Variants in C2CD3 observed in about 807,000 individuals in gnomAD.
C2CD3 encodes the protein C2 domain-containing protein 3.
In C2CD3, 148 loss-of-function variants were observed where a neutral mutation model predicts 234.0. The observed-to-expected ratio is 0.63, with a 90% CI of 0.55 to 0.72. The LOEUF (loss-of-function observed/expected upper bound fraction) is 0.72, where lower values mean the gene tolerates loss of function less well. Ranked by LOEUF, C2CD3 falls within the 30% of genes least tolerant of loss-of-function variation. The pLI is 0.00. For missense variants in C2CD3, 2,577 were observed against 2,811.5 expected (o/e 0.92, Z 1.89); for synonymous variants, 1,000 against 1,035.4 (o/e 0.97, Z 0.66).
At chr11:74,138,512 A>C (rs760856871) in intron 5 of C2CD3, among the ~76,000 whole-genome samples, 1 of 152,210 alleles carries the variant, frequency 6.6e-6, no homozygotes, top group Admixed American at 6.5e-5. Flanking sequence ...ACTTACAATT[A>C]TAAGCACTGA....
chr11:74,015,900 C>CAA (rs553153104), intron 32 of C2CD3, among the ~76,000 whole-genome samples: 33 of 93,400 alleles, frequency 3.5e-4, no homozygotes, highest in African/African-American at 6.1e-4. Flanking sequence ...AACCCTGTCT[C>CAA]AAAAAAAAAA....
At position 74,168,583 on chromosome 11, in the gene C2CD3, A is replaced by G. The variant is rs1373866300; in HGVS notation, c.86T>C (p.Leu29Pro). Reference protein sequence around the residue: ...GLSDISPSTSLPPLVEGQLRC... With the variant: ...GLSDISPSTSPPPLVEGQLRC... ...TAGCTGGCCTTCAACCAGAGGTGGCAGGCTTGTAGATGGAGAAATGTCACT... is the reference window on the plus strand; with the variant it reads ...TAGCTGGCCTTCAACCAGAGGTGGCGGGCTTGTAGATGGAGAAATGTCACT... Residue 29 changes from leucine to proline, a missense_variant, in exon 2 of 33, where the codon CTG becomes CCG. Transcript: ENST00000334126. The G allele has an allele frequency of 6.2e-7, 1 of 1,614,216 alleles. No homozygotes were observed. The highest frequency in any genetic ancestry group is 8.5e-7 in the Non-Finnish European group (1 of 1,179,992).
At chr11:74,066,134 C>T (rs545346482) in intron 24 of C2CD3, among the ~76,000 whole-genome samples, 9 of 151,178 alleles carry the variant, frequency 6.0e-5, no homozygotes, top group Non-Finnish European at 1.2e-4. Context: ...AGGATGAGTT[C>T]GTGTCCTTTG....
chr11:74,139,101 A>T, intron 4 of C2CD3, 134 bp from the exon 5 acceptor site: 1 of 648,884 alleles, frequency 1.5e-6, no homozygotes, highest in Non-Finnish European at 2.6e-6. Context: ...CTTATTTGCA[A>T]TACAACTTTG....
intron 7 of C2CD3, among the ~76,000 whole-genome samples, chr11:74,126,301 T>C (rs538136166): frequency 6.6e-6 from 1 of 152,360 alleles, no homozygotes; most frequent in South Asian, 2.1e-4. Flanking sequence ...CTGGAAGCTT[T>C]TAATATGGTC....
chr11:74,034,128 G>A lies in C2CD3; in HGVS notation c.6032C>T (p.Ala2011Val). The A allele has an allele frequency of 1.3e-6, 2 of 1,536,250 alleles. No homozygotes were observed. Among genetic ancestry groups the A allele is most frequent in the Non-Finnish European group, 1.7e-6 (2 of 1,146,932 alleles). Reference sequence around the variant, plus strand: ...TGGGGAATCTGTGCCTTTATCTGGAGCTCTTACCAATGGCTCATCTGGCAT... The same window carrying A: ...TGGGGAATCTGTGCCTTTATCTGGAACTCTTACCAATGGCTCATCTGGCAT... ...CTMPDEPLVRAPDKGTDSPSP... is the reference protein window; with the variant it reads ...CTMPDEPLVRVPDKGTDSPSP... The change falls in exon 31 of 33, where the codon GCT (alanine) becomes GTT (valine). Residue 2011 changes from alanine (A) to valine (V), a missense_variant. Physicochemically the swap from Ala to Val is moderately conservative, Grantham distance 64. Coordinates refer to ENST00000334126, the MANE Select transcript of C2CD3 (RefSeq NM_001286577.2).
rs751927308 is a variant in C2CD3, at chr11:74,078,576, G to A, written c.4142C>T (p.Ala1381Val). ...HRGDRERVLE[A>V]AEHLGWSFEN... ...AAAGCTCCAGCCCAAATGCTCAGCAGCTTCCAACACCCGTTCTCTATCTCC... is the reference window on the plus strand; with the variant it reads ...AAAGCTCCAGCCCAAATGCTCAGCAACTTCCAACACCCGTTCTCTATCTCC... The change falls in exon 23 of 33, where the codon GCT becomes GTT. Residue 1381 changes from alanine to valine, a missense_variant. By Grantham distance (64) the Ala-to-Val change is moderately conservative. Transcript: ENST00000334126. 1.2e-6 allele frequency: 2 copies of A among 1,614,098 alleles called. No homozygotes were observed. The highest frequency in any genetic ancestry group is 1.7e-6 in the Non-Finnish European group (2 of 1,180,008).
At chr11:74,155,377 A>G (rs1340646999) in intron 3 of C2CD3, among the ~76,000 whole-genome samples, 1 of 152,220 alleles carries the variant, frequency 6.6e-6, no homozygotes, top group Non-Finnish European at 1.5e-5. Flanking sequence ...GAGTTACCAT[A>G]TGGCCCAGCA....
chr11:74,151,328 T>C (rs1270015511), intron 3 of C2CD3, among the ~76,000 whole-genome samples: 1 of 151,874 alleles, frequency 6.6e-6, no homozygotes, highest in East Asian at 1.9e-4. Flanking sequence ...TTTATTTATT[T>C]ATTTATTGAG....
chr11:74,124,522 C>G (rs1029497435), intron 7 of C2CD3, among the ~76,000 whole-genome samples: 1 of 152,074 alleles, frequency 6.6e-6, no homozygotes. Flanking sequence ...TTGTGACAAC[C>G]GAGAAATGTC....
In C2CD3 at chr11:74,084,920, C is replaced by T. The variant is rs199813738; in HGVS notation, c.3961G>A (p.Val1321Ile). ...ESCKEYLLGV[V>I]KVPTKELLIK... Reference sequence around the variant, plus strand: ...AGCAGCTCTTTTGTTGGAACTTTTACTACTCCAAGCAGATACTCTTTGCAT... The same window carrying T: ...AGCAGCTCTTTTGTTGGAACTTTTATTACTCCAAGCAGATACTCTTTGCAT... Residue 1321 changes from valine (V) to isoleucine (I), a missense_variant, in exon 22 of 33, where the codon GTA (valine) becomes ATA (isoleucine). Transcript: ENST00000334126. The T allele has an allele frequency of 2.3e-4, 375 of 1,612,818 alleles. No homozygotes were observed. The highest frequency in any genetic ancestry group is 3.0e-4 in the Non-Finnish European group (355 of 1,179,038).
At position 74,095,227 on chromosome 11, in the gene C2CD3, C is replaced by T; in HGVS notation, c.3160+1G>A. On this transcript the variant is annotated splice_donor_variant, in intron 17 of 32. Transcript: ENST00000334126. LOFTEE classifies it high-confidence loss of function. ...TAAGAAAGCCTAATATCTAAACCTA[C>T]CATTTTCAAGGAACTCAGGTCCTTT... 1 of 1,605,110 alleles carries T rather than the reference C, an allele frequency of 6.2e-7. No homozygotes were observed. Among genetic ancestry groups the T allele is most frequent in the Non-Finnish European group, 8.5e-7 (1 of 1,174,916 alleles).
rs531952463 is a variant in C2CD3 at position 74,151,029 on chromosome 11, G to A, written c.483+10370C>T. On this transcript the variant is annotated intron_variant, in intron 3 of 32. Coordinates refer to ENST00000334126, the MANE Select transcript of C2CD3 (RefSeq NM_001286577.2). ...CAACCTCTGCCTCCTGGCTTCAAGC[G>A]ATTCTCCTGCCTTAGCCTCCTGAGT... Among the ~76,000 whole-genome samples the A allele has an allele frequency of 2.0e-5, 3 of 151,848 alleles. No individual in the cohort carries two copies. In the South Asian group the frequency reaches 6.2e-4, roughly 32 times the overall value.
rs1280117688 is a variant in C2CD3, at chr11:74,028,323, G to A, written c.6885C>T (p.Leu2295=). The change falls in exon 32 of 33, where the codon CTC becomes CTT. Residue 2295 remains leucine (L), a synonymous_variant. Transcript: ENST00000334126. The stretch of plus-strand genomic sequence containing the variant: ...TGGCTGCTGGTGGCAAAGTTGCTGA[G>A]AGTGAAAGCATCCGCAGGGAAGCCT... ...QLEASLRMLS[L]SATLPPAATT... is the part of the protein sequence containing the mutation. 12 of 1,535,976 alleles carry A rather than the reference G, an allele frequency of 7.8e-6. No individual in the cohort carries two copies. In the Admixed American group the frequency reaches 2.0e-4, roughly 25 times the overall value.
Position 74,133,431 on chromosome 11 carries a change from G to A in C2CD3, c.1082C>T (p.Ser361Leu). Residue 361 changes from serine to leucine, a missense_variant, in exon 6 of 33, where the codon TCA (serine) becomes TTA (leucine). By Grantham distance (145) the Ser-to-Leu change is moderately radical (BLOSUM62 -2). Coordinates refer to ENST00000334126, the MANE Select transcript of C2CD3 (RefSeq NM_001286577.2). ...TGTCTATCCTGTAACTTACTGTGTT[G>A]ATGCTCTAAGAGAATCTTCATTAAT... The part of the protein sequence containing the change: ...PPINEDSLRA[S>L]TQIRAFSRNR... The A allele has an allele frequency of 6.2e-7, 1 of 1,613,294 alleles. No homozygotes were observed. Among genetic ancestry groups the A allele is most frequent in the Non-Finnish European group, 8.5e-7 (1 of 1,179,318 alleles).
At chr11:74,075,354 C>T (rs530449434) in intron 23 of C2CD3, among the ~76,000 whole-genome samples, 2 of 40,646 alleles carry the variant, frequency 4.9e-5, no homozygotes, top group African/African-American at 2.2e-4. Context: ...CACTAGGGTT[C>T]GGGCGATATT....
At chr11:74,148,148 T>C (rs73561881) in intron 3 of C2CD3, among the ~76,000 whole-genome samples, 2,728 of 152,256 alleles carry the variant, frequency 0.018, 81 homozygotes, top group African/African-American at 0.062. Flanking sequence ...CTCATGTTTG[T>C]GAATGGTTAA....
intron 24 of C2CD3, among the ~76,000 whole-genome samples, chr11:74,061,861 C>T (rs1484141980): frequency 3.3e-5 from 5 of 152,154 alleles, no homozygotes; most frequent in Admixed American, 6.5e-5. Context: ...CTTCAGTGTG[C>T]TGTATTCAGG....
At chr11:74,084,599 T>C (rs1055746882) in intron 22 of C2CD3, among the ~76,000 whole-genome samples, 1 of 152,056 alleles carries the variant, frequency 6.6e-6, no homozygotes, top group African/African-American at 2.4e-5. Context: ...TCTTCAGGAC[T>C]TCTCCATCTA....
Sources: allele counts gnomAD v4.1 joint callset (sites outside exome capture counted in the v4.1 genomes callset), GRCh38; gene constraint gnomAD v4.1.1; transcripts MANE v1.5; gene names NCBI Gene and HGNC (gene_info 2026-07-23, HGNC 2026-07-21).